Variants in CORO7 observed in about 807,000 individuals in gnomAD.
CORO7 encodes coronin-7.
A neutral mutation model predicts 126.6 loss-of-function variants in CORO7; 107 were observed. The ratio of observed to expected loss-of-function variants is 0.85; its 90% confidence interval spans 0.72 to 0.99. The LOEUF (loss-of-function observed/expected upper bound fraction) is 0.99. Ranked by LOEUF, CORO7 falls within the 50% of genes least tolerant of loss-of-function variation. CORO7 has a pLI of 0.00. For synonymous variants in CORO7, 603 were observed against 536.8 expected, an observed-to-expected ratio of 1.12 and a Z score of -1.70; for missense variants, 1,314 against 1,255.8, an observed-to-expected ratio of 1.05 and a Z score of -0.70.
chr16:4,373,721 G>A (rs1369926531), intron 9 of CORO7, among the ~76,000 whole-genome samples: 2 of 152,136 alleles, frequency 1.3e-5, no homozygotes, highest in African/African-American at 4.8e-5. Context: ...TCCTTGCCTG[G>A]GCTTATAAGT....
intron 6 of CORO7, among the ~76,000 whole-genome samples, chr16:4,397,873 C>T (rs957499959): frequency 5.9e-5 from 9 of 152,164 alleles, no homozygotes; most frequent in African/African-American, 2.2e-4. Flanking sequence ...CCTTGGCCTC[C>T]CAAAGTGCTG....
At position 4,354,897 on chromosome 16, in the gene CORO7, T is replaced by A. The variant is rs777846274; in HGVS notation, c.*261A>T. The stretch of plus-strand genomic sequence containing the variant: ...CAGGGCCTGCCCAGGGACATGCTGC[T>A]GACCCCCCGCCACCCTGCACCCCTG... On this transcript the variant is annotated 3_prime_UTR_variant, in exon 28 of 28. Coordinates refer to ENST00000251166, the MANE Select transcript of CORO7 (RefSeq NM_024535.5). 1 of 435,898 alleles carries A rather than the reference T, an allele frequency of 2.3e-6. No homozygotes were observed. Among genetic ancestry groups the A allele is most frequent in the Non-Finnish European group, 4.1e-6 (1 of 246,908 alleles). 27.0% of individuals were successfully genotyped at this position (435,898 alleles called of 1,614,324 possible).
rs183706734 is a variant in CORO7 at position 4,391,710 on chromosome 16, G to A, written c.616-3079C>T. Among the ~76,000 whole-genome samples the A allele has an allele frequency of 6.9e-4, 105 of 152,312 alleles. 1 individual carries two copies. The highest frequency in any genetic ancestry group is 2.1e-3 in the African/African-American group (86 of 41,578). On this transcript the variant is annotated intron_variant, in intron 7 of 27. Coordinates refer to ENST00000251166, the MANE Select transcript of CORO7 (RefSeq NM_024535.5). The stretch of plus-strand genomic sequence containing the variant: ...GGCGCCACTGCACTCCCGCCTGGGC[G>A]ACAGAGCGAGACCCGTTTGCCAGCC...
At chr16:4,370,819 C>T (rs938792870) in intron 9 of CORO7, among the ~76,000 whole-genome samples, 2 of 152,070 alleles carry the variant, frequency 1.3e-5, no homozygotes, top group African/African-American at 4.8e-5. Context: ...CCTTCAGGCC[C>T]CCCAAAGACT....
intron 6 of CORO7, among the ~76,000 whole-genome samples, chr16:4,399,684 G>A (rs1436958419): frequency 6.6e-6 from 1 of 152,122 alleles, no homozygotes; most frequent in Non-Finnish European, 1.5e-5. Flanking sequence ...GAGCCCAGGA[G>A]TTTGAGACCA....
At chr16:4,382,575 C>A in intron 9 of CORO7, 1 of 1,592,138 alleles carries the variant, frequency 6.3e-7, no homozygotes, top group Non-Finnish European at 8.5e-7. Flanking sequence ...ACGCCCCAGT[C>A]ACCCAGGCCC....
At position 4,362,625 on chromosome 16, in the gene CORO7, C is replaced by A; in HGVS notation, c.1389G>T (p.Leu463=). Residue 463 remains leucine (L), a synonymous_variant, in exon 15 of 28, where the codon CTG becomes CTT. Coordinates refer to ENST00000251166, the MANE Select transcript of CORO7 (RefSeq NM_024535.5). The surrounding 1 kb of genome is among the most constrained non-coding windows in gnomAD (Gnocchi z 5.3). ...CTGCCTCCTTACCCAGCAGGCTCTG[C>A]AGCGACCTCAAACTGGGGCTGGTCC... ...GIGTSPSLRS[L]QSLLGPSSKF... 1 of 1,560,716 alleles carries A rather than the reference C, an allele frequency of 6.4e-7. No homozygotes were observed. Among genetic ancestry groups the A allele is most frequent in the Non-Finnish European group, 8.7e-7 (1 of 1,156,014 alleles).
chr16:4,381,223 A>C, intron 9 of CORO7: 1 of 1,612,092 alleles, frequency 6.2e-7, no homozygotes, highest in East Asian at 2.2e-5. Context: ...GCATGAAATC[A>C]CCAATGAGAC....
rs967864639 is a variant in CORO7, at chr16:4,407,766, C to T, written c.304-82G>A. 17 of 1,449,932 alleles carry T rather than the reference C, an allele frequency of 1.2e-5. No individual in the cohort carries two copies. In the African/African-American group the frequency reaches 1.6e-4, roughly 13 times the overall value. The allele number at this position is 1,449,932 out of a possible 1,614,324, so 89.8% of individuals were successfully genotyped here. On this transcript the variant is annotated intron_variant, in intron 4 of 27. Transcript: ENST00000251166. Reference sequence around the variant, plus strand: ...AGCTGCCGTGACCCCAGTGAGGTCCCGTGTTGGAACTAGGCTGCTCCAGGA... The same window carrying T: ...AGCTGCCGTGACCCCAGTGAGGTCCTGTGTTGGAACTAGGCTGCTCCAGGA...
chr16:4,368,555 C>T (rs1396205365), intron 9 of CORO7, among the ~76,000 whole-genome samples: 1 of 151,950 alleles, frequency 6.6e-6, no homozygotes, highest in Admixed American at 6.6e-5. Context: ...TGAGACCAGC[C>T]TGGCCAACAT....
At chr16:4,388,125 G>C (rs1297319357) in intron 8 of CORO7, 57 bp from the exon 9 acceptor site, 1 of 1,563,776 alleles carries the variant, frequency 6.4e-7, no homozygotes, top group Non-Finnish European at 8.7e-7. Context: ...CCCACCCGGG[G>C]GGCTCCCAGG....
chr16:4,401,538 G>C (rs2055808343), intron 6 of CORO7, among the ~76,000 whole-genome samples: 1 of 152,260 alleles, frequency 6.6e-6, no homozygotes, highest in Admixed American at 6.5e-5. Flanking sequence ...CTCGGATTCA[G>C]AGGGATGGCG....
In CORO7 at chr16:4,362,765, C is replaced by T. The variant is rs746363360; in HGVS notation, c.1276-27G>A. On this transcript the variant is annotated intron_variant, in intron 14 of 27. Transcript: ENST00000251166. This position sits in a 1 kb window ranked among gnomAD's most constrained non-coding sequence, Gnocchi z 5.3. ...TGGGGAGGGGCATGGGGTCAGCCAG[C>T]CTGCTCCTAGGTGTACTGGCCAAAA... 175 of 1,352,084 alleles carry T rather than the reference C, an allele frequency of 1.3e-4. No homozygotes were observed. The highest frequency in any genetic ancestry group is 1.6e-4 in the Non-Finnish European group (170 of 1,047,940). 83.8% of individuals were successfully genotyped at this position (1,352,084 alleles called of 1,614,324 possible).
chr16:4,416,347 G>A, intron 1 of CORO7, 112 bp downstream of exon 1: 1 of 1,334,800 alleles, frequency 7.5e-7, no homozygotes, highest in Non-Finnish European at 9.7e-7. Flanking sequence ...CGGGGATGGA[G>A]GTCTCGGGGT....
chr16:4,395,711 C>T (rs1313170344), intron 6 of CORO7, among the ~76,000 whole-genome samples: 1 of 152,184 alleles, frequency 6.6e-6, no homozygotes, highest in South Asian at 2.1e-4. Flanking sequence ...AACGGAGGTC[C>T]AGAACCAAAC....
chr16:4,365,126 T>C, intron 10 of CORO7, 66 bp from the exon 11 acceptor site: 1 of 1,549,260 alleles, frequency 6.5e-7, no homozygotes, highest in South Asian at 1.2e-5. Context: ...AGGACTGGCA[T>C]CAGCTCCCCC....
chr16:4,395,236 T>C lies in CORO7; in HGVS notation c.615+53A>G, dbSNP rs536137853. 25 of 1,612,200 alleles carry C rather than the reference T, an allele frequency of 1.6e-5. No individual in the cohort carries two copies. In the East Asian group the frequency reaches 5.3e-4, roughly 34 times the overall value. ...ACCTCCACCTGCTAGAACCACTGGG[T>C]CCTCAGCCTCAGTGGAGGCTTCAAC... On this transcript the variant is annotated intron_variant, in intron 7 of 27. Transcript: ENST00000251166.
intron 3 of CORO7, among the ~76,000 whole-genome samples, chr16:4,411,882 G>T (rs1256469792): frequency 4.0e-5 from 6 of 151,822 alleles, no homozygotes; most frequent in African/African-American, 1.5e-4. Flanking sequence ...GCAGGCTGCT[G>T]GACGCCCCCA....
At chr16:4,387,727 A>C in intron 9 of CORO7, 1 of 565,360 alleles carries the variant, frequency 1.8e-6, no homozygotes, top group Non-Finnish European at 3.2e-6. Flanking sequence ...GTCAACCCCC[A>C]GCCATGAAAC....
Sources: gnomAD v4.1 joint callset for allele counts (sites outside exome capture counted in the v4.1 genomes callset) on GRCh38, gnomAD v4.1.1 for gene constraint, Gnocchi (gnomAD v3.1) non-coding constraint, MANE v1.5 for transcripts, NCBI Gene and HGNC (gene_info 2026-07-23, HGNC 2026-07-21) for gene names.